GASK1A: variants seen among roughly 807,000 people sequenced by gnomAD.
GASK1A encodes golgi associated kinase 1A, also known as Golgi-associated kinase 1A.
Under a neutral mutation model 41.2 loss-of-function variants are expected in GASK1A, and 40 were observed. The ratio of observed to expected loss-of-function variants is 0.97; its 90% CI spans 0.75 to 1.27. The LOEUF is 1.27. Among genes scored for constraint, GASK1A ranks in the 50% most tolerant of loss-of-function variants. The pLI is 0.00. For missense variants in GASK1A, 678 were observed against 745.1 expected (o/e 0.91, Z 1.05); for synonymous variants, 316 against 307.1 (o/e 1.03, Z -0.30).
At chr3:42,979,797 G>A (rs1223249486) in intron 1 of GASK1A, among the ~76,000 whole-genome samples, 152 bp downstream of exon 1, 1 of 152,160 alleles carries the variant, frequency 6.6e-6, no homozygotes, top group Non-Finnish European at 1.5e-5. Flanking sequence ...GGGCGGCGGC[G>A]GCTTTCATTT....
chr3:43,056,177 T>A lies in GASK1A; in HGVS notation c.1519T>A (p.Phe507Ile), dbSNP rs2089715163. 1.3e-6 allele frequency: 2 copies of A among 1,549,256 alleles called. No homozygotes were observed. Among genetic ancestry groups the A allele is most frequent in the South Asian group, 1.2e-5 (1 of 83,958 alleles). Residue 507 changes from phenylalanine to isoleucine, a missense_variant and splice_region_variant, in exon 5 of 5, where the codon TTT becomes ATT. Physicochemically the swap from Phe to Ile is conservative, Grantham distance 21. Coordinates refer to ENST00000430121, the MANE Select transcript of GASK1A (RefSeq NM_001129908.3). ...NFRLLEGIDG[F>I]PESAVKVLAS... ...GGGGCTCTGGGGCCTTTGCTCCAGGTTTCCTGAGTCTGCCGTGAAGGTTCT... is the reference window on the plus strand; with the variant it reads ...GGGGCTCTGGGGCCTTTGCTCCAGGATTCCTGAGTCTGCCGTGAAGGTTCT...
At chr3:43,015,171 G>A (rs1393207509) in intron 1 of GASK1A, among the ~76,000 whole-genome samples, 1 of 151,576 alleles carries the variant, frequency 6.6e-6, no homozygotes, top group Non-Finnish European at 1.5e-5. Context: ...TCACAGAAAG[G>A]GGCAGGGTGG....
Position 43,057,340 on chromosome 3 carries a change from G to A in GASK1A, c.*954G>A, listed in dbSNP as rs1279151502. On this transcript the variant is annotated 3_prime_UTR_variant, in exon 5 of 5. Coordinates refer to ENST00000430121, the MANE Select transcript of GASK1A (RefSeq NM_001129908.3). ...CCGTACGGGATTTCTGGGGCAAAGG[G>A]TATGGGCATTCAGTATTCTGAGAGA... 6.6e-6 allele frequency: 1 copy of A among 152,226 alleles called. No individual in the cohort carries two copies. The highest frequency in any genetic ancestry group is 1.5e-5 in the Non-Finnish European group (1 of 68,046). 9.4% of individuals were successfully genotyped at this position (152,226 alleles called of 1,614,324 possible).
chr3:42,988,790 TC>T (rs1290360273), intron 1 of GASK1A, among the ~76,000 whole-genome samples: 1 of 152,240 alleles, frequency 6.6e-6, no homozygotes, highest in African/African-American at 2.4e-5. Flanking sequence ...CCACTGCCTC[TC>T]TGTGCTTCAC....
intron 2 of GASK1A, among the ~76,000 whole-genome samples, chr3:43,035,427 GC>G (rs1033935650): frequency 1.3e-5 from 2 of 152,164 alleles, no homozygotes; most frequent in Admixed American, 1.3e-4. Flanking sequence ...TGGTCATGTT[GC>G]CCCCAGGAGC....
At chr3:42,999,998 A>G (rs1010137764) in intron 1 of GASK1A, among the ~76,000 whole-genome samples, 1 of 152,150 alleles carries the variant, frequency 6.6e-6, no homozygotes, top group African/African-American at 2.4e-5. Context: ...TTGTGATCAC[A>G]TTTAGAATCC....
rs560400345 is a variant in GASK1A, at chr3:43,056,487, G to A, written c.*101G>A. On this transcript the variant is annotated 3_prime_UTR_variant, in exon 5 of 5. Coordinates refer to ENST00000430121, the MANE Select transcript of GASK1A (RefSeq NM_001129908.3). The stretch of plus-strand genomic sequence containing the variant: ...AATGGGAAAAGCCAGAAGCCAGAGG[G>A]GCACAAGGATGTCACGGGATATTTC... The A allele has an allele frequency of 7.0e-5, 75 of 1,069,092 alleles. No individual in the cohort carries two copies. The East Asian group carries it at 1.9e-3, about 27-fold the overall frequency. 66.2% of individuals were successfully genotyped at this position (1,069,092 alleles called of 1,614,324 possible).
At chr3:43,004,278 C>T (rs1372831362) in intron 1 of GASK1A, among the ~76,000 whole-genome samples, 1 of 152,148 alleles carries the variant, frequency 6.6e-6, no homozygotes, top group Non-Finnish European at 1.5e-5. Flanking sequence ...TTTCATTGGC[C>T]AAGGAGACGT....
chr3:43,037,192 CA>C, intron 2 of GASK1A: 1 of 1,146,708 alleles, frequency 8.7e-7, no homozygotes, highest in Non-Finnish European at 1.3e-6. Flanking sequence ...GAACCTAAGT[CA>C]AAATCTGGGG....
At chr3:43,039,655 C>T (rs992423596) in intron 2 of GASK1A, among the ~76,000 whole-genome samples, 2 of 152,128 alleles carry the variant, frequency 1.3e-5, no homozygotes, top group African/African-American at 2.4e-5. Flanking sequence ...GGTAGTTTTT[C>T]GATCCTCTCC....
At chr3:43,055,363 C>T in intron 3 of GASK1A, 69 bp from the exon 4 acceptor site, 1 of 1,158,602 alleles carries the variant, frequency 8.6e-7, no homozygotes, top group South Asian at 1.4e-5. Context: ...TAATCTTGAC[C>T]AAGTCCATAG....
chr3:43,019,764 ACAC>A (rs1288813026), intron 1 of GASK1A, among the ~76,000 whole-genome samples: 1 of 148,898 alleles, frequency 6.7e-6, no homozygotes. Context: ...TTTAACACAC[ACAC>A]ACACACACAC....
At position 42,979,342 on chromosome 3, in the gene GASK1A, A is replaced by G; in HGVS notation, c.-301A>G. The G allele has an allele frequency of 8.2e-6, 3 of 365,276 alleles. No individual in the cohort carries two copies. Among genetic ancestry groups the G allele is most frequent in the Non-Finnish European group, 1.5e-5 (3 of 205,210 alleles). 22.6% of individuals were successfully genotyped at this position (365,276 alleles called of 1,614,324 possible). On this transcript the variant is annotated 5_prime_UTR_variant, in exon 1 of 5. Coordinates refer to ENST00000430121, the MANE Select transcript of GASK1A (RefSeq NM_001129908.3). ...CAAACTCTGCAAAAGTCCCGAGTAG[A>G]CCGCAGAGGCTCGCGGCCGCGGGTA...
chr3:42,995,373 C>T (rs2089363929), intron 1 of GASK1A, among the ~76,000 whole-genome samples: 1 of 152,176 alleles, frequency 6.6e-6, no homozygotes, highest in Admixed American at 6.5e-5. Context: ...CTACGCCAAC[C>T]ATGTAGGGAC....
At chr3:43,028,636 A>C (rs973226423) in intron 1 of GASK1A, among the ~76,000 whole-genome samples, 5 of 152,230 alleles carry the variant, frequency 3.3e-5, no homozygotes, top group Non-Finnish European at 7.3e-5. Flanking sequence ...ACATGAAGGA[A>C]TCCCCAGAGC....
At chr3:43,053,424 G>T (rs983665817) in intron 2 of GASK1A, 97 bp from the exon 3 acceptor site, 2 of 1,371,022 alleles carry the variant, frequency 1.5e-6, no homozygotes, top group Admixed American at 2.8e-5. Flanking sequence ...GTGGCCCCAG[G>T]GTCATGTAGG....
chr3:43,016,653 G>A (rs1461635370), intron 1 of GASK1A, among the ~76,000 whole-genome samples: 3 of 151,916 alleles, frequency 2.0e-5, no homozygotes, highest in African/African-American at 2.4e-5. Context: ...TCACAGGAAG[G>A]GGAAGTGGGA....
intron 2 of GASK1A, among the ~76,000 whole-genome samples, chr3:43,053,122 A>G (rs1288571848): frequency 6.6e-6 from 1 of 152,212 alleles, no homozygotes; most frequent in Non-Finnish European, 1.5e-5. Flanking sequence ...TTGCACCTCT[A>G]AAGAAAGGAG....
intron 2 of GASK1A, among the ~76,000 whole-genome samples, chr3:43,049,281 T>G (rs1028259410): frequency 1.3e-5 from 2 of 150,814 alleles, no homozygotes; most frequent in African/African-American, 4.9e-5. Context: ...GATGACTTAA[T>G]GGATAGATAT....
Sources: gnomAD v4.1 joint callset for allele counts (sites outside exome capture counted in the v4.1 genomes callset) on GRCh38, gnomAD v4.1.1 for gene constraint, MANE v1.5 for transcripts, NCBI Gene and HGNC (gene_info 2026-07-23, HGNC 2026-07-21) for gene names.